The following SIN3A variants were observed in gnomAD, a reference collection of about 807,000 sequenced individuals.
The protein encoded by SIN3A is SIN3 transcription regulator family member A.
SIN3A carries 14 observed loss-of-function variants against 146.1 expected under a neutral mutation model. The observed-to-expected ratio is 0.10, with a 90% confidence interval of 0.06 to 0.15. The LOEUF (loss-of-function observed/expected upper bound fraction) is 0.15. Ranked by LOEUF, SIN3A falls within the 10% of genes least tolerant of loss-of-function variation. The pLI is 1.00. For missense variants in SIN3A, 1,028 were observed against 1,576.0 expected (o/e 0.65, Z 5.89); for synonymous variants, 572 against 572.0 (o/e 1.00, Z 0.00).
Position 75,370,312 on chromosome 15 carries a change from T to C in SIN3A, c.*1667A>G, listed in dbSNP as rs1190141253. The C allele has an allele frequency of 6.6e-6, 1 of 152,176 alleles. No individual in the cohort carries two copies. The highest frequency in any genetic ancestry group is 2.4e-5 in the African/African-American group (1 of 41,438). The allele number at this position is 152,176 out of a possible 1,614,324, so 9.4% of individuals were successfully genotyped here. A position where few individuals can be genotyped will look rare whatever the true frequency, so the allele number is the denominator to read the frequency against. On this transcript the variant is annotated 3_prime_UTR_variant, in exon 21 of 21. Coordinates refer to ENST00000394947, the MANE Select transcript of SIN3A (RefSeq NM_001145358.2). The stretch of plus-strand genomic sequence containing the variant: ...TCCAGGAGCCAAAAAATTTTGTTTT[T>C]CTTTTTGGTGGTGGTGGTGATTTTT...
At position 75,396,371 on chromosome 15, in the gene SIN3A, T is replaced by A. The variant is rs758800022; in HGVS notation, c.1980A>T (p.Thr660=). Residue 660 remains threonine (T), a synonymous_variant, in exon 13 of 21, where the codon ACA becomes ACT. Coordinates refer to ENST00000394947, the MANE Select transcript of SIN3A (RefSeq NM_001145358.2). ...GTGCTTTTCTATGGATGACTTCTGA[T>A]GTGCCCCCAAGGGTGTTGTCCAAGC... ...KFRLDNTLGG[T]SEVIHRKALQ... 1.9e-6 allele frequency: 3 copies of A among 1,614,058 alleles called. No individual in the cohort carries two copies. The African/African-American group carries it at 4.0e-5, about 22-fold the overall frequency.
At chr15:75,450,903 A>C (rs1476254780) in intron 1 of SIN3A, among the ~76,000 whole-genome samples, 2 of 152,102 alleles carry the variant, frequency 1.3e-5, no homozygotes, top group African/African-American at 4.8e-5. Flanking sequence ...GGCCAAGGGG[A>C]GTGGCATCAC....
At position 75,375,846 on chromosome 15, in the gene SIN3A, T is replaced by C; in HGVS notation, c.3410A>G (p.Gln1137Arg). 6.2e-7 allele frequency: 1 copy of C among 1,614,162 alleles called. No homozygotes were observed. The highest frequency in any genetic ancestry group is 8.5e-7 in the Non-Finnish European group (1 of 1,180,046). ...CTTTTCCTGCTGCTCTCGACCACGTTGACACTTCCGGATCCGCCGTAGATT... is the reference window on the plus strand; with the variant it reads ...CTTTTCCTGCTGCTCTCGACCACGTCGACACTTCCGGATCCGCCGTAGATT... ...PRNLRRIRKC[Q>R]RGREQQEKEG... The change falls in exon 20 of 21, where the codon CAA (glutamine) becomes CGA (arginine). Residue 1137 changes from glutamine to arginine, a missense_variant. Gln to Arg is a conservative substitution (Grantham distance 43, BLOSUM62 1). Coordinates refer to ENST00000394947, the MANE Select transcript of SIN3A (RefSeq NM_001145358.2).
chr15:75,375,291 C>A (rs953463380), intron 20 of SIN3A, among the ~76,000 whole-genome samples: 3 of 152,134 alleles, frequency 2.0e-5, no homozygotes, highest in African/African-American at 7.2e-5. Context: ...GGCAGACACA[C>A]ACACACAGGT....
chr15:75,372,834 A>AC (rs1395193241), intron 20 of SIN3A, among the ~76,000 whole-genome samples: 1 of 151,430 alleles, frequency 6.6e-6, no homozygotes, highest in Non-Finnish European at 1.5e-5. Flanking sequence ...AAAAAAAAAA[A>AC]AAAAAACCCA....
intron 1 of SIN3A, among the ~76,000 whole-genome samples, chr15:75,448,546 C>G (rs1435880686): frequency 6.6e-6 from 1 of 151,234 alleles, no homozygotes; most frequent in Non-Finnish European, 1.5e-5. Flanking sequence ...ACAGTAAGTG[C>G]TCAATAAATA....
chr15:75,430,412 C>A lies in SIN3A; in HGVS notation c.-33-4G>T. 6.4e-7 allele frequency: 1 copy of A among 1,564,384 alleles called. No individual in the cohort carries two copies. Among genetic ancestry groups the A allele is most frequent in the Non-Finnish European group, 8.7e-7 (1 of 1,155,930 alleles). ...GCTCAGGGATGCACTACAAAACCTG[C>A]AGAAACCAAAAGCAATAGCATGCAA... On this transcript the variant is annotated splice_region_variant and splice_polypyrimidine_tract_variant and intron_variant, in intron 1 of 20. Coordinates refer to ENST00000394947, the MANE Select transcript of SIN3A (RefSeq NM_001145358.2).
intron 1 of SIN3A, among the ~76,000 whole-genome samples, chr15:75,433,892 C>A (rs992490560): frequency 6.6e-6 from 1 of 152,208 alleles, no homozygotes; most frequent in Non-Finnish European, 1.5e-5. Context: ...ATTGCTTCCG[C>A]TCTAATCATA....
intron 20 of SIN3A, 78 bp from the exon 21 acceptor site, chr15:75,372,287 C>G: frequency 1.1e-6 from 1 of 926,702 alleles, no homozygotes; most frequent in Non-Finnish European, 1.6e-6. Flanking sequence ...GCCTAATTTT[C>G]TTCTAAAGGA....
chr15:75,450,421 C>G (rs1298827058), intron 1 of SIN3A, among the ~76,000 whole-genome samples: 1 of 152,108 alleles, frequency 6.6e-6, no homozygotes, highest in African/African-American at 2.4e-5. Context: ...TCAAGGGAAC[C>G]CCAGGGAAGG....
At chr15:75,421,921 C>T (rs1218011457) in intron 3 of SIN3A, 4 of 152,094 alleles carry the variant, frequency 2.6e-5, no homozygotes, top group African/African-American at 9.7e-5. Flanking sequence ...ACATACTCAG[C>T]AGAAAATATG....
At chr15:75,445,900 C>T (rs554974180) in intron 1 of SIN3A, among the ~76,000 whole-genome samples, 28 of 152,326 alleles carry the variant, frequency 1.8e-4, no homozygotes, top group African/African-American at 6.7e-4. Flanking sequence ...TCTGCTCCCA[C>T]ACAAACATGG....
rs540725932 is a variant in SIN3A at position 75,411,249 on chromosome 15, G to GC, written c.1008+242dup. 3.9e-5 allele frequency among the ~76,000 whole-genome samples: 6 copies of GC among 152,174 alleles called. No individual in the cohort carries two copies. The South Asian group carries it at 1.2e-3, about 32-fold the overall frequency. ...AGGCTAAGGCAGGAGTATCACTTGA[G>GC]CCCGGGAGGCGGAGACTGCAGTGAG... On this transcript the variant is annotated intron_variant, in intron 6 of 20. Coordinates refer to ENST00000394947, the MANE Select transcript of SIN3A (RefSeq NM_001145358.2).
intron 1 of SIN3A, among the ~76,000 whole-genome samples, chr15:75,438,009 A>G (rs2074135630): frequency 6.6e-6 from 1 of 152,064 alleles, no homozygotes; most frequent in South Asian, 2.1e-4. Flanking sequence ...ACAGAGGAAG[A>G]TCCCAAATAC....
intron 1 of SIN3A, among the ~76,000 whole-genome samples, chr15:75,451,084 G>GGAGGA (rs2074397256): frequency 7.3e-6 from 1 of 136,094 alleles, no homozygotes; most frequent in African/African-American, 2.8e-5. Flanking sequence ...GCCCACCCCA[G>GGAGGA]GAGGAGGGGA....
intron 11 of SIN3A, 31 bp downstream of exon 11, chr15:75,400,699 C>CA: frequency 6.4e-7 from 1 of 1,569,626 alleles, no homozygotes. Flanking sequence ...GCTGAGGACC[C>CA]AGGGCTGATC....
chr15:75,450,523 C>T (rs1366619249), intron 1 of SIN3A, among the ~76,000 whole-genome samples: 1 of 152,234 alleles, frequency 6.6e-6, no homozygotes, highest in African/African-American at 2.4e-5. Context: ...ACCAGCCACG[C>T]ACGCTCCTAC....
intron 13 of SIN3A, among the ~76,000 whole-genome samples, chr15:75,395,716 T>C (rs145529569): frequency 2.1e-3 from 313 of 152,014 alleles, no homozygotes; most frequent in African/African-American, 7.0e-3. Flanking sequence ...CTGGGAAATA[T>C]AGCAAGACCT....
rs755857351 is a variant in SIN3A, at chr15:75,401,993, A to G, written c.1408-23T>C. Reference sequence around the variant, plus strand: ...GACCTTATGGAGACAACGGGAAGAAAAACAGTTTTTGTTTTTCTTAAAGTG... The same window carrying G: ...GACCTTATGGAGACAACGGGAAGAAGAACAGTTTTTGTTTTTCTTAAAGTG... On this transcript the variant is annotated intron_variant, in intron 9 of 20. Coordinates refer to ENST00000394947, the MANE Select transcript of SIN3A (RefSeq NM_001145358.2). The G allele has an allele frequency of 1.0e-5, 15 of 1,492,160 alleles. No individual in the cohort carries two copies. In the East Asian group the frequency reaches 3.2e-4, roughly 32 times the overall value. 92.4% of individuals were successfully genotyped at this position (1,492,160 alleles called of 1,614,324 possible).
Sources: gnomAD v4.1 joint callset for allele counts (sites outside exome capture counted in the v4.1 genomes callset) on GRCh38, gnomAD v4.1.1 for gene constraint, MANE v1.5 for transcripts, NCBI Gene and HGNC (gene_info 2026-07-23, HGNC 2026-07-21) for gene names.